Variants in JMJD1C observed in about 807,000 individuals in gnomAD.
JMJD1C encodes jumonji domain containing 1C.
A neutral mutation model predicts 245.3 loss-of-function variants in JMJD1C; 31 were observed. The observed-to-expected ratio is 0.13, with a 90% CI of 0.09 to 0.17. JMJD1C has a LOEUF of 0.17. JMJD1C is among the 10% of genes least tolerant of loss of function. JMJD1C has a pLI of 1.00. For synonymous variants in JMJD1C, 1,057 were observed against 1,017.4 expected, an observed-to-expected ratio of 1.04 and a Z score of -0.74; for missense variants, 2,691 against 3,000.2, an observed-to-expected ratio of 0.90 and a Z score of 2.41.
At chr10:63,175,938 T>C (rs776500859) in intron 24 of JMJD1C, among the ~76,000 whole-genome samples, 14 of 152,232 alleles carry the variant, frequency 9.2e-5, no homozygotes, top group Non-Finnish European at 1.9e-4. Flanking sequence ...TGAAGAAAGG[T>C]AGGAGGTATG....
chr10:63,443,437 A>C (rs1285687992), intron 1 of JMJD1C, among the ~76,000 whole-genome samples: 2 of 152,112 alleles, frequency 1.3e-5, no homozygotes, highest in Admixed American at 1.3e-4. Flanking sequence ...CAGCCTCCCG[A>C]GTAGCTGGGA....
intron 3 of JMJD1C, among the ~76,000 whole-genome samples, chr10:63,241,888 T>C (rs1428255075): frequency 1.3e-5 from 2 of 152,142 alleles, no homozygotes; most frequent in Non-Finnish European, 2.9e-5. Context: ...TACATATTTG[T>C]AAAACTGAAG....
At chr10:63,331,542 A>G (rs916909907) in intron 2 of JMJD1C, among the ~76,000 whole-genome samples, 19 of 152,256 alleles carry the variant, frequency 1.2e-4, no homozygotes, top group Non-Finnish European at 2.5e-4. Flanking sequence ...TCTACACAAA[A>G]CTGTTCGCCT....
intron 1 of JMJD1C, among the ~76,000 whole-genome samples, chr10:63,433,174 C>A (rs1439988032): frequency 6.6e-6 from 1 of 151,930 alleles, no homozygotes; most frequent in African/African-American, 2.4e-5. Flanking sequence ...TCACCACAAC[C>A]TCTGCCTCCC....
At chr10:63,301,943 C>T in intron 2 of JMJD1C, 1 of 278,650 alleles carries the variant, frequency 3.6e-6, no homozygotes, top group Middle Eastern at 4.3e-4. Flanking sequence ...CCTATGAGTA[C>T]ATACAGAACT....
rs1461685831 is a variant in JMJD1C, at chr10:63,330,037, A to ACTAC, written c.333+50277_333+50280dup. Reference sequence around the variant, plus strand: ...TGTCTCAGCCTCCCGAGTAGCTGGGACTACAGGCATGCGCCACCACGCCCG... The same window carrying ACTAC: ...TGTCTCAGCCTCCCGAGTAGCTGGGACTACCTACAGGCATGCGCCACCACGCCCG... On this transcript the variant is annotated intron_variant, in intron 2 of 25. Coordinates refer to ENST00000399262, the MANE Select transcript of JMJD1C (RefSeq NM_032776.3). Among the ~76,000 whole-genome samples the ACTAC allele has an allele frequency of 1.3e-5, 2 of 152,138 alleles. 1 individual carries two copies. Among genetic ancestry groups the ACTAC allele is most frequent in the Non-Finnish European group, 2.9e-5 (2 of 68,036 alleles).
intron 1 of JMJD1C, among the ~76,000 whole-genome samples, chr10:63,454,544 C>T (rs1203538391): frequency 1.3e-5 from 2 of 152,154 alleles, no homozygotes; most frequent in Admixed American, 6.5e-5. Context: ...ATGTCTCATG[C>T]CTCAGCCCCC....
At chr10:63,412,967 G>A (rs1404756193) in intron 1 of JMJD1C, among the ~76,000 whole-genome samples, 4 of 152,114 alleles carry the variant, frequency 2.6e-5, no homozygotes, top group Non-Finnish European at 5.9e-5. Context: ...GAAGAATAGT[G>A]TATACGAGGG....
intron 2 of JMJD1C, among the ~76,000 whole-genome samples, chr10:63,339,988 A>G (rs1354114843): frequency 6.6e-6 from 1 of 152,156 alleles, no homozygotes; most frequent in Non-Finnish European, 1.5e-5. Flanking sequence ...TGAACCCAGG[A>G]GGCGGAGGTT....
At chr10:63,383,430 C>T (rs1947363780) in intron 1 of JMJD1C, among the ~76,000 whole-genome samples, 1 of 152,060 alleles carries the variant, frequency 6.6e-6, no homozygotes, top group Admixed American at 6.5e-5. Flanking sequence ...GTTAAGGGTA[C>T]CTCCTTGCCT....
chr10:63,410,558 A>G (rs1039435310), intron 1 of JMJD1C, among the ~76,000 whole-genome samples: 13 of 152,234 alleles, frequency 8.5e-5, no homozygotes, highest in Non-Finnish European at 1.6e-4. Flanking sequence ...ATTATTAATG[A>G]CAGAGCCAGG....
chr10:63,196,857 G>GT (rs1845516838), intron 13 of JMJD1C, among the ~76,000 whole-genome samples: 2 of 152,030 alleles, frequency 1.3e-5, no homozygotes, highest in Admixed American at 1.3e-4. Context: ...AGTGCAATGG[G>GT]GCAATCACAG....
chr10:63,241,334 T>C (rs902701849), intron 3 of JMJD1C, among the ~76,000 whole-genome samples: 1 of 152,220 alleles, frequency 6.6e-6, no homozygotes, highest in Non-Finnish European at 1.5e-5. Context: ...GGGGAATATC[T>C]ATGACAGAAG....
intron 1 of JMJD1C, among the ~76,000 whole-genome samples, chr10:63,517,810 T>G (rs1183361064): frequency 2.2e-5 from 2 of 90,848 alleles, no homozygotes; most frequent in Non-Finnish European, 4.5e-5. Flanking sequence ...TTTTTTTTTT[T>G]GAGACAGAGT....
chr10:63,466,061 C>A (rs1953252675), upstream of JMJD1C: 1 of 214,668 alleles, frequency 4.7e-6, no homozygotes, highest in African/African-American at 2.3e-5. Flanking sequence ...GCGGGAGGGT[C>A]GGCGGAACCA....
chr10:63,284,554 G>C (rs1032107273), intron 2 of JMJD1C, among the ~76,000 whole-genome samples: 1 of 151,942 alleles, frequency 6.6e-6, no homozygotes, highest in Non-Finnish European at 1.5e-5. Flanking sequence ...TAGGTTCTTG[G>C]GAATAACTTA....
upstream of JMJD1C, chr10:63,466,059 G>C (rs1334727282): frequency 4.6e-6 from 1 of 219,132 alleles, no homozygotes; most frequent in African/African-American, 2.3e-5. Context: ...CCGCGGGAGG[G>C]TCGGCGGAAC....
At chr10:63,412,055 CCAGCCA>C (rs1949518215) in intron 1 of JMJD1C, among the ~76,000 whole-genome samples, 4 of 151,910 alleles carry the variant, frequency 2.6e-5, no homozygotes, top group African/African-American at 9.7e-5. Flanking sequence ...ACCACCATGC[CCAGCCA>C]AAAATGTGTT....
intron 1 of JMJD1C, among the ~76,000 whole-genome samples, chr10:63,514,241 A>G (rs1186298087): frequency 6.6e-6 from 1 of 152,200 alleles, no homozygotes; most frequent in Non-Finnish European, 1.5e-5. Context: ...AAAGAACTTT[A>G]AAAGAACTAC....
Sources: allele counts gnomAD v4.1 joint callset (sites outside exome capture counted in the v4.1 genomes callset), GRCh38; gene constraint gnomAD v4.1.1; transcripts MANE v1.5; gene names NCBI Gene and HGNC (gene_info 2026-07-23, HGNC 2026-07-21).